Variants in PTGER3 observed in about 807,000 individuals in gnomAD.
The protein encoded by PTGER3 is prostaglandin E2 receptor EP3 subtype.
In PTGER3, 22 loss-of-function variants were observed where a neutral mutation model predicts 34.7. The ratio of observed to expected loss-of-function variants is 0.63; its 90% CI spans 0.45 to 0.91. The LOEUF (loss-of-function observed/expected upper bound fraction) is 0.91, where lower values mean the gene tolerates loss of function less well. PTGER3 is among the 40% of genes least tolerant of loss of function. The probability of loss-of-function intolerance (pLI) is 0.00; values close to 1 mark genes in which losing one functional copy is unlikely to be tolerated. For missense variants in PTGER3, 468 were observed against 519.4 expected, an observed-to-expected ratio of 0.90 and a Z score of 0.96; for synonymous variants, 241 against 230.1, an observed-to-expected ratio of 1.05 and a Z score of -0.43.
At chr1:70,976,031 T>G (rs1284166639) in intron 2 of PTGER3, among the ~76,000 whole-genome samples, 1 of 152,086 alleles carries the variant, frequency 6.6e-6, no homozygotes, top group East Asian at 1.9e-4. Context: ...GGGCTTGCAT[T>G]ATTTGTTGGC....
intron 4 of PTGER3, chr1:70,886,402 A>G (rs1301825479): frequency 2.7e-6 from 1 of 373,968 alleles, no homozygotes; most frequent in Non-Finnish European, 5.5e-6. Context: ...AAACTGACCA[A>G]AACAGGGATA....
chr1:71,016,487 C>T (rs1455468040), intron 1 of PTGER3, among the ~76,000 whole-genome samples: 1 of 152,004 alleles, frequency 6.6e-6, no homozygotes, highest in Non-Finnish European at 1.5e-5. Flanking sequence ...TACTTTTAAA[C>T]AATATAATTT....
chr1:70,948,337 C>T (rs1201190921), downstream of PTGER3, among the ~76,000 whole-genome samples: 1 of 152,046 alleles, frequency 6.6e-6, no homozygotes, highest in Non-Finnish European at 1.5e-5. Flanking sequence ...CTTTTCCCCA[C>T]CCTGCTTTGC....
chr1:70,928,846 T>G (rs1021316259), intron 4 of PTGER3, among the ~76,000 whole-genome samples: 4 of 151,434 alleles, frequency 2.6e-5, no homozygotes, highest in Non-Finnish European at 4.4e-5. Flanking sequence ...TAGCCTGTTT[T>G]TCCACCCTAG....
chr1:70,868,127 A>G (rs978997243), intron 4 of PTGER3, among the ~76,000 whole-genome samples: 2 of 151,870 alleles, frequency 1.3e-5, no homozygotes, highest in Non-Finnish European at 2.9e-5. Flanking sequence ...CACTGTCCCC[A>G]CTACCTCCAA....
intron 1 of PTGER3, among the ~76,000 whole-genome samples, chr1:71,042,781 T>G (rs1337501858): frequency 6.6e-6 from 1 of 152,014 alleles, no homozygotes; most frequent in Non-Finnish European, 1.5e-5. Flanking sequence ...TTAACTAAAA[T>G]GAAAAAAAAT....
At chr1:70,950,265 C>G (rs1439178680), downstream of PTGER3, among the ~76,000 whole-genome samples, 1 of 152,164 alleles carries the variant, frequency 6.6e-6, no homozygotes, top group Admixed American at 6.5e-5. Flanking sequence ...TCTTGCACAT[C>G]TAGAACAATC....
At chr1:70,923,925 AC>A (rs1352209828) in intron 4 of PTGER3, among the ~76,000 whole-genome samples, 2 of 152,170 alleles carry the variant, frequency 1.3e-5, no homozygotes, top group Admixed American at 1.3e-4. Flanking sequence ...CAAGGCTTTT[AC>A]CTGAATGGCA....
At position 70,971,237 on chromosome 1, in the gene PTGER3, C is replaced by T. The variant is rs1201200194; in HGVS notation, c.*493G>A. The T allele has an allele frequency of 4.1e-6, 4 of 985,386 alleles. No homozygotes were observed. Among genetic ancestry groups the T allele is most frequent in the African/African-American group, 1.7e-5 (1 of 57,228 alleles). 61.0% of individuals were successfully genotyped at this position (985,386 alleles called of 1,614,324 possible). On this transcript the variant is annotated 3_prime_UTR_variant, in exon 4 of 4. Transcript: ENST00000306666. ...TTTTTTGTCACGATTCCCTCCTGCC[C>T]TCATTTGCTTTTATATGTCGTTAAG...
Position 70,984,418 on chromosome 1 carries a change from A to T in PTGER3, c.1078-10030T>A, listed in dbSNP as rs556427329. On this transcript the variant is annotated intron_variant, in intron 2 of 3. Coordinates refer to ENST00000306666, the MANE Select transcript of PTGER3 (RefSeq NM_198719.2). ...AAAAAAAAAATTCATTAAATTAACA[A>T]AATTATTCTAACTATTCAAAATTGC... 1.6e-3 allele frequency among the ~76,000 whole-genome samples: 238 copies of T among 152,054 alleles called. 4 individuals carry two copies. The highest frequency in any genetic ancestry group is 5.3e-3 in the African/African-American group (221 of 41,460).
chr1:70,983,110 G>A (rs1654549755), intron 2 of PTGER3, among the ~76,000 whole-genome samples: 1 of 151,966 alleles, frequency 6.6e-6, no homozygotes, highest in African/African-American at 2.4e-5. Context: ...GCCACCTAGA[G>A]AAACAGATCA....
intron 4 of PTGER3, among the ~76,000 whole-genome samples, chr1:70,945,951 T>G (rs1650186797): frequency 6.6e-6 from 1 of 152,110 alleles, no homozygotes; most frequent in South Asian, 2.1e-4. Flanking sequence ...CAAAGTTAAA[T>G]ATTTTAAGTG....
intron 2 of PTGER3, among the ~76,000 whole-genome samples, chr1:70,981,365 TTCTTTCTTTC>T (rs1654307571): frequency 2.6e-5 from 3 of 117,418 alleles, no homozygotes; most frequent in Non-Finnish European, 5.3e-5. Context: ...CTTTCTTTCT[TTCTTTCTTTC>T]TTTCTTTCTT....
In PTGER3 at chr1:71,023,922, A is replaced by G. The variant is rs546788491; in HGVS notation, c.898-11438T>C. 5.9e-5 allele frequency among the ~76,000 whole-genome samples: 9 copies of G among 151,872 alleles called. 1 individual carries two copies. Among genetic ancestry groups the G allele is most frequent in the African/African-American group, 1.9e-4 (8 of 41,202 alleles). On this transcript the variant is annotated intron_variant, in intron 1 of 3. Coordinates refer to ENST00000306666, the MANE Select transcript of PTGER3 (RefSeq NM_198719.2). ...CTTGTCTGAACTATCACAATCATCA[A>G]TGACATGATTTGTTGGCCTCCATCT...
chr1:70,886,668 A>T (rs1443920774), intron 4 of PTGER3, among the ~76,000 whole-genome samples: 1 of 152,152 alleles, frequency 6.6e-6, no homozygotes, highest in Non-Finnish European at 1.5e-5. Context: ...AGTTTTCATC[A>T]TGGCAATTAT....
intron 4 of PTGER3, among the ~76,000 whole-genome samples, chr1:70,939,799 G>A (rs1418379946): frequency 1.3e-5 from 2 of 152,124 alleles, no homozygotes; most frequent in Non-Finnish European, 2.9e-5. Flanking sequence ...GATGAAATCA[G>A]TTTCCTCCTG....
chr1:71,000,065 G>T (rs1371951715), intron 2 of PTGER3, among the ~76,000 whole-genome samples: 2 of 152,140 alleles, frequency 1.3e-5, no homozygotes, highest in African/African-American at 4.8e-5. Context: ...AATTATTTCT[G>T]GTGGTTTGAA....
At chr1:70,883,783 C>A (rs1430231134) in intron 4 of PTGER3, among the ~76,000 whole-genome samples, 2 of 152,184 alleles carry the variant, frequency 1.3e-5, no homozygotes, top group African/African-American at 2.4e-5. Context: ...CAGAACATGG[C>A]CAGGCACGTT....
Position 70,971,702 on chromosome 1 carries a change from C to T in PTGER3, c.*28G>A. On this transcript the variant is annotated 3_prime_UTR_variant, in exon 4 of 4. Transcript: ENST00000306666. ...TGCAAATTCAGGGAAGCAGGAATTG[C>T]AATAAAATGTCCAACTCCGTTCTTT... The T allele has an allele frequency of 1.3e-6, 2 of 1,554,766 alleles. No individual in the cohort carries two copies. Among genetic ancestry groups the T allele is most frequent in the Non-Finnish European group, 1.7e-6 (2 of 1,150,152 alleles).
Sources: gnomAD v4.1 joint callset for allele counts (sites outside exome capture counted in the v4.1 genomes callset) on GRCh38, gnomAD v4.1.1 for gene constraint, MANE v1.5 for transcripts, NCBI Gene and HGNC (gene_info 2026-07-23, HGNC 2026-07-21) for gene names.